Variants in NRG3 observed in about 807,000 individuals in gnomAD.
The protein encoded by NRG3 is pro-neuregulin-3, membrane-bound isoform.
NRG3 carries 31 observed loss-of-function variants against 66.9 expected under a neutral mutation model. The observed-to-expected ratio is 0.46, with a 90% CI of 0.35 to 0.63. NRG3 has a LOEUF of 0.63. Ranked by LOEUF, NRG3 falls within the 20% of genes least tolerant of loss-of-function variation. NRG3 has a pLI of 0.00. For synonymous variants in NRG3, 393 were observed against 359.4 expected (o/e 1.09, Z -1.06); for missense variants, 910 against 878.9 (o/e 1.04, Z -0.45).
intron 3 of NRG3, among the ~76,000 whole-genome samples, chr10:82,837,312 C>T (rs1378931887): frequency 2.0e-5 from 3 of 152,108 alleles, no homozygotes; most frequent in Non-Finnish European, 4.4e-5. Flanking sequence ...CCTGAGGAAT[C>T]ACCACACTGA....
chr10:82,485,060 A>G (rs1842572396), intron 2 of NRG3, among the ~76,000 whole-genome samples: 1 of 152,178 alleles, frequency 6.6e-6, no homozygotes, highest in African/African-American at 2.4e-5. Flanking sequence ...ACAAGATAAT[A>G]TGTTTATAGC....
At chr10:82,177,658 C>G (rs2073130289) in intron 1 of NRG3, among the ~76,000 whole-genome samples, 1 of 152,174 alleles carries the variant, frequency 6.6e-6, no homozygotes, top group Admixed American at 6.5e-5. Context: ...GCTGCCACTT[C>G]TACCTCTTGG....
intron 1 of NRG3, among the ~76,000 whole-genome samples, chr10:82,043,379 T>TA (rs897078660): frequency 1.3e-5 from 2 of 152,006 alleles, no homozygotes; most frequent in African/African-American, 4.8e-5. Context: ...AACTTTTTTT[T>TA]AAAAAAAGCT....
intron 3 of NRG3, among the ~76,000 whole-genome samples, chr10:82,818,026 A>G (rs1167725989): frequency 6.6e-6 from 1 of 152,252 alleles, no homozygotes. Context: ...TGCCCCTTGC[A>G]GAGCAGGGCT....
At chr10:82,578,031 G>T (rs901752997) in intron 2 of NRG3, among the ~76,000 whole-genome samples, 1 of 151,316 alleles carries the variant, frequency 6.6e-6, no homozygotes. Flanking sequence ...AATGTTACCA[G>T]CAAAACACAG....
chr10:82,607,140 G>A (rs1050027781), intron 2 of NRG3, among the ~76,000 whole-genome samples: 4 of 152,172 alleles, frequency 2.6e-5, no homozygotes, highest in African/African-American at 9.7e-5. Flanking sequence ...TGGAGGTCCT[G>A]TAACACTATC....
At chr10:82,062,329 G>T (rs982732005) in intron 1 of NRG3, among the ~76,000 whole-genome samples, 1 of 152,140 alleles carries the variant, frequency 6.6e-6, no homozygotes, top group African/African-American at 2.4e-5. Context: ...AGGCAGGCCG[G>T]GCATGGTGGC....
intron 2 of NRG3, among the ~76,000 whole-genome samples, chr10:82,382,693 CATT>C (rs1040538792): frequency 2.6e-5 from 4 of 151,854 alleles, no homozygotes; most frequent in African/African-American, 9.7e-5. Context: ...TTAAAGGTCC[CATT>C]ATTGTATATA....
At chr10:82,915,129 A>G (rs1297742617) in intron 4 of NRG3, among the ~76,000 whole-genome samples, 2 of 152,184 alleles carry the variant, frequency 1.3e-5, no homozygotes, top group African/African-American at 4.8e-5. Flanking sequence ...CTGTTAGTCA[A>G]GTGATGTTGA....
At chr10:82,691,232 G>A (rs1413303671) in intron 2 of NRG3, among the ~76,000 whole-genome samples, 1 of 152,140 alleles carries the variant, frequency 6.6e-6, no homozygotes, top group African/African-American at 2.4e-5. Flanking sequence ...CTCATGCCGA[G>A]AAAAAACAGC....
At chr10:82,728,201 C>A (rs999916906) in intron 2 of NRG3, among the ~76,000 whole-genome samples, 1 of 151,954 alleles carries the variant, frequency 6.6e-6, no homozygotes, top group East Asian at 1.9e-4. Flanking sequence ...CTGTAGGGAA[C>A]GCATGATTTG....
At chr10:82,617,286 A>G (rs2133570276) in intron 2 of NRG3, among the ~76,000 whole-genome samples, 1 of 150,618 alleles carries the variant, frequency 6.6e-6, no homozygotes, top group African/African-American at 2.4e-5. Context: ...ACAAACACAC[A>G]TCACACATAT....
intron 2 of NRG3, among the ~76,000 whole-genome samples, chr10:82,397,704 A>G (rs1371595100): frequency 6.6e-6 from 1 of 152,076 alleles, no homozygotes; most frequent in African/African-American, 2.4e-5. Flanking sequence ...AAAATACCAT[A>G]CTCTCCCAGG....
At position 82,556,524 on chromosome 10, in the gene NRG3, G is replaced by A. The variant is rs547817193; in HGVS notation, c.954-182053G>A. Among the ~76,000 whole-genome samples, 10 of 152,226 alleles carry A rather than the reference G, an allele frequency of 6.6e-5. No individual in the cohort carries two copies. In the East Asian group the frequency reaches 1.7e-3, roughly 26 times the overall value. On this transcript the variant is annotated intron_variant, in intron 2 of 8. Transcript: ENST00000372141. The stretch of plus-strand genomic sequence containing the variant: ...GGCGGCAGCCCTCTTGGTAAATGCC[G>A]ACCAATGGCATCTGCCCTTCTTCTC...
intron 2 of NRG3, among the ~76,000 whole-genome samples, chr10:82,660,335 AGT>A (rs1368099717): frequency 6.6e-6 from 1 of 151,152 alleles, no homozygotes. Context: ...TTTTCTTGAC[AGT>A]GTTAAAACAT....
intron 1 of NRG3, among the ~76,000 whole-genome samples, chr10:82,052,656 A>C (rs2063657484): frequency 6.6e-6 from 1 of 152,176 alleles, no homozygotes; most frequent in Admixed American, 6.6e-5. Flanking sequence ...AGGATGGTGA[A>C]CTCTTCTAAC....
intron 3 of NRG3, among the ~76,000 whole-genome samples, chr10:82,829,487 A>G (rs1034526842): frequency 5.9e-5 from 9 of 152,212 alleles, no homozygotes; most frequent in African/African-American, 2.2e-4. Flanking sequence ...CAATGAGAGC[A>G]ACCATGCTGA....
intron 2 of NRG3, among the ~76,000 whole-genome samples, chr10:82,367,607 A>G (rs1589870926): frequency 6.6e-6 from 1 of 152,308 alleles, no homozygotes; most frequent in East Asian, 1.9e-4. Context: ...GACTCTTTAA[A>G]AAGTGTTGTC....
intron 1 of NRG3, among the ~76,000 whole-genome samples, chr10:82,026,476 T>C (rs1408821162): frequency 6.6e-6 from 1 of 152,078 alleles, no homozygotes; most frequent in Non-Finnish European, 1.5e-5. Flanking sequence ...ACTGATGATG[T>C]TTCGGGAATT....
Sources: gnomAD v4.1 joint callset for allele counts (sites outside exome capture counted in the v4.1 genomes callset) on GRCh38, gnomAD v4.1.1 for gene constraint, MANE v1.5 for transcripts, NCBI Gene and HGNC (gene_info 2026-07-23, HGNC 2026-07-21) for gene names.